Variants in FAM118B observed in about 807,000 individuals in gnomAD.
FAM118B encodes protein FAM118B.
A neutral mutation model predicts 38.5 loss-of-function variants in FAM118B; 24 were observed. That is an observed-to-expected ratio of 0.62 (90% CI 0.45 to 0.88). The LOEUF (loss-of-function observed/expected upper bound fraction) is 0.88. FAM118B is among the 40% of genes least tolerant of loss of function. The probability of loss-of-function intolerance (pLI) is 0.00; values close to 1 mark genes in which losing one functional copy is unlikely to be tolerated. For synonymous variants in FAM118B, 138 were observed against 156.3 expected, an observed-to-expected ratio of 0.88 and a Z score of 0.87; for missense variants, 334 against 420.0, an observed-to-expected ratio of 0.80 and a Z score of 1.79.
chr11:126,219,575 C>T (rs983169704), intron 1 of FAM118B, among the ~76,000 whole-genome samples: 4 of 151,496 alleles, frequency 2.6e-5, no homozygotes, highest in African/African-American at 9.7e-5. Context: ...TGTTTATATG[C>T]CTTAAGAGTC....
At chr11:126,213,087 G>T (rs541566622) in intron 1 of FAM118B, among the ~76,000 whole-genome samples, 15 of 152,072 alleles carry the variant, frequency 9.9e-5, no homozygotes, top group Non-Finnish European at 2.1e-4. Context: ...GCAGGTCAAG[G>T]CGTACTCTTG....
intron 2 of FAM118B, among the ~76,000 whole-genome samples, chr11:126,233,273 C>T (rs1014108351): frequency 3.3e-5 from 5 of 151,864 alleles, no homozygotes; most frequent in African/African-American, 4.8e-5. Context: ...GTCAGGAGTT[C>T]GAGACCAGCC....
chr11:126,239,272 G>A (rs1950323732), intron 3 of FAM118B, among the ~76,000 whole-genome samples: 1 of 152,066 alleles, frequency 6.6e-6, no homozygotes, highest in Non-Finnish European at 1.5e-5. Flanking sequence ...CAAATTGGAA[G>A]TCTTAATTAG....
At chr11:126,251,673 A>AT (rs550981800) in intron 5 of FAM118B, among the ~76,000 whole-genome samples, 7 of 145,952 alleles carry the variant, frequency 4.8e-5, no homozygotes, top group South Asian at 4.3e-4. Flanking sequence ...TTGGATACTT[A>AT]TTTTTTTTAT....
chr11:126,252,440 A>AT lies in FAM118B; in HGVS notation c.567+1714dup, dbSNP rs1455643169. Among the ~76,000 whole-genome samples, 1 of 152,128 alleles carries AT rather than the reference A, an allele frequency of 6.6e-6. No individual in the cohort carries two copies. The highest frequency in any genetic ancestry group is 2.4e-5 in the African/African-American group (1 of 41,418). On this transcript the variant is annotated intron_variant, in intron 5 of 8. Coordinates refer to ENST00000533050, the MANE Select transcript of FAM118B (RefSeq NM_024556.4). The surrounding 1 kb of genome is among the most constrained non-coding windows in gnomAD (Gnocchi z 4.7). ...TATGACAGTTAGGTGCTTGGTAAAT[A>AT]TTTTTTTGATTAATAAATGATTGGG...
At chr11:126,224,390 C>G (rs1170383435) in intron 1 of FAM118B, among the ~76,000 whole-genome samples, 1 of 146,188 alleles carries the variant, frequency 6.8e-6, no homozygotes, top group African/African-American at 2.5e-5. Flanking sequence ...GGGAAGATTG[C>G]TTGAGCCCCG....
At chr11:126,218,185 G>A (rs995170591) in intron 1 of FAM118B, among the ~76,000 whole-genome samples, 1 of 152,108 alleles carries the variant, frequency 6.6e-6, no homozygotes, top group Non-Finnish European at 1.5e-5. Flanking sequence ...ATGTGGATAT[G>A]GTGGGCTCAG....
chr11:126,234,016 AGACTGC>A (rs1487319645), intron 2 of FAM118B, among the ~76,000 whole-genome samples: 1 of 152,200 alleles, frequency 6.6e-6, no homozygotes, highest in Non-Finnish European at 1.5e-5. Context: ...CAGGAGGCCG[AGACTGC>A]AGTGAGCCAA....
intron 4 of FAM118B, among the ~76,000 whole-genome samples, chr11:126,249,136 G>C (rs1055492760): frequency 1.3e-5 from 2 of 152,164 alleles, no homozygotes; most frequent in Admixed American, 6.6e-5. Flanking sequence ...ACTTTGGGAG[G>C]CTGAGGTGGG....
rs1051734055 is a variant in FAM118B at position 126,250,383 on chromosome 11, G to T, written c.340-123G>T. The T allele has an allele frequency of 1.9e-5, 13 of 667,534 alleles. No individual in the cohort carries two copies. Among genetic ancestry groups the T allele is most frequent in the East Asian group, 5.5e-5 (2 of 36,374 alleles). 41.4% of individuals were successfully genotyped at this position (667,534 alleles called of 1,614,324 possible). The stretch of plus-strand genomic sequence containing the variant: ...TGGGATTACAGGCGTGAGCCACTGC[G>T]CCTGGCCTTTATCTCTGTTTTGAAT... On this transcript the variant is annotated intron_variant, in intron 4 of 8. Coordinates refer to ENST00000533050, the MANE Select transcript of FAM118B (RefSeq NM_024556.4). The surrounding 1 kb of genome is among the most constrained non-coding windows in gnomAD (Gnocchi z 5.1).
intron 4 of FAM118B, among the ~76,000 whole-genome samples, chr11:126,242,213 A>G (rs1384538291): frequency 6.6e-6 from 1 of 152,130 alleles, no homozygotes; most frequent in Non-Finnish European, 1.5e-5. Flanking sequence ...CATGACACCA[A>G]AAATGCAAAA....
At chr11:126,262,013 CTGTCT>C in intron 8 of FAM118B, 102 bp from the exon 9 acceptor site, 1 of 997,670 alleles carries the variant, frequency 1.0e-6, no homozygotes, top group Non-Finnish European at 1.5e-6. Flanking sequence ...CTAGAATCTC[CTGTCT>C]TGCCTTCTGA....
At position 126,253,985 on chromosome 11, in the gene FAM118B, C is replaced by T. The variant is rs180815229; in HGVS notation, c.568-320C>T. Among the ~76,000 whole-genome samples, 1 of 152,268 alleles carries T rather than the reference C, an allele frequency of 6.6e-6. No individual in the cohort carries two copies. Among genetic ancestry groups the T allele is most frequent in the Non-Finnish European group, 1.5e-5 (1 of 68,022 alleles). On this transcript the variant is annotated intron_variant, in intron 5 of 8. Transcript: ENST00000533050. This position sits in a 1 kb window ranked among gnomAD's most constrained non-coding sequence, Gnocchi z 5.1. ...GATACAGAGGCTTGATTTCTTGGGG[C>T]GATCACTGAAGCAGTTGTCCATAGC...
At chr11:126,228,325 G>C (rs1318738078) in intron 1 of FAM118B, among the ~76,000 whole-genome samples, 1 of 150,918 alleles carries the variant, frequency 6.6e-6, no homozygotes, top group Non-Finnish European at 1.5e-5. Context: ...CCTCCCTCCT[G>C]AGTAGCTGGG....
At position 126,255,263 on chromosome 11, in the gene FAM118B, G is replaced by A. The variant is rs1442390014; in HGVS notation, c.696+830G>A. Among the ~76,000 whole-genome samples the A allele has an allele frequency of 1.3e-5, 2 of 152,160 alleles. No homozygotes were observed. The highest frequency in any genetic ancestry group is 6.6e-5 in the Admixed American group (1 of 15,260). ...CATGTTCAAACCAGAAGTATTCGCT[G>A]CCCCCAGCTCTAAGAATCTTGTTTG... On this transcript the variant is annotated intron_variant, in intron 6 of 8. Coordinates refer to ENST00000533050, the MANE Select transcript of FAM118B (RefSeq NM_024556.4). The surrounding 1 kb of genome is among the most constrained non-coding windows in gnomAD (Gnocchi z 4.6).
Sources: allele counts gnomAD v4.1 joint callset (sites outside exome capture counted in the v4.1 genomes callset), GRCh38; gene constraint gnomAD v4.1.1; non-coding constraint Gnocchi (gnomAD v3.1); transcripts MANE v1.5; gene names NCBI Gene and HGNC (gene_info 2026-07-23, HGNC 2026-07-21).